Variants in ZC3H12B observed in about 807,000 individuals in gnomAD.
ZC3H12B encodes zinc finger CCCH-type containing 12B, also known as probable ribonuclease ZC3H12B.
A neutral mutation model predicts 43.9 loss-of-function variants in ZC3H12B; 7 were observed. The ratio of observed to expected loss-of-function variants is 0.16; its 90% confidence interval spans 0.09 to 0.30. ZC3H12B has a LOEUF of 0.30. Ranked by LOEUF, ZC3H12B falls within the 10% of genes least tolerant of loss-of-function variation. The pLI, the probability that ZC3H12B is intolerant of heterozygous loss-of-function variation, is 1.00. For synonymous variants in ZC3H12B, 222 were observed against 241.7 expected (o/e 0.92, Z 0.76); for missense variants, 475 against 670.2 (o/e 0.71, Z 3.22).
chrX:65,220,414 G>A, the ZC3H12B span, among the ~76,000 whole-genome samples: 43 of 111,810 alleles, frequency 3.8e-4, no homozygotes, highest in Middle Eastern at 4.6e-3. Context: ...CAGAATGGCC[G>A]AATGGATAAG....
At chrX:65,250,247 C>T in the ZC3H12B span, among the ~76,000 whole-genome samples, 1 of 111,344 alleles carries the variant, frequency 9.0e-6, no homozygotes, top group African/African-American at 3.3e-5. Context: ...TCATCCATGT[C>T]CCTACAAAGG....
the ZC3H12B span, among the ~76,000 whole-genome samples, chrX:65,351,219 G>A: frequency 9.0e-6 from 1 of 111,498 alleles, no homozygotes; most frequent in African/African-American, 3.3e-5. Context: ...CAAGCAATAG[G>A]GAAATCTTTC....
At chrX:65,472,334 A>C (rs892450686) in intron 3 of ZC3H12B, among the ~76,000 whole-genome samples, 1 of 110,187 alleles carries the variant, frequency 9.1e-6, no homozygotes, top group Non-Finnish European at 1.9e-5. Flanking sequence ...CCTTTTCTTT[A>C]GGTTGCCTTT....
chrX:65,037,215 T>C, the ZC3H12B span, among the ~76,000 whole-genome samples: 2 of 111,204 alleles, frequency 1.8e-5, no homozygotes, highest in African/African-American at 3.3e-5. Flanking sequence ...CAGAGTCATA[T>C]TGAATAAGGA....
chrX:65,039,145 C>T, the ZC3H12B span, among the ~76,000 whole-genome samples: 1 of 111,409 alleles, frequency 9.0e-6, no homozygotes, highest in Admixed American at 9.5e-5. Flanking sequence ...AAGTTGTAAA[C>T]TAATATCCAC....
intron 3 of ZC3H12B, among the ~76,000 whole-genome samples, chrX:65,463,064 A>G (rs1316966029): frequency 8.9e-6 from 1 of 112,179 alleles, no homozygotes; most frequent in African/African-American, 3.2e-5. Context: ...GGAGCTAAAC[A>G]TTGAGTACTC....
chrX:65,192,923 G>T, the ZC3H12B span, among the ~76,000 whole-genome samples: 25 of 110,236 alleles, frequency 2.3e-4, no homozygotes, highest in Non-Finnish European at 3.8e-4. Flanking sequence ...ACAGGTGCGT[G>T]CCACCACCCC....
intron 2 of ZC3H12B, among the ~76,000 whole-genome samples, chrX:65,391,046 G>A (rs1357294390): frequency 9.0e-6 from 1 of 111,721 alleles, no homozygotes; most frequent in Non-Finnish European, 1.9e-5. Flanking sequence ...CAAGAACACA[G>A]TAAACACAAG....
At chrX:65,054,357 A>C in the ZC3H12B span, among the ~76,000 whole-genome samples, 1,124 of 111,557 alleles carry the variant, frequency 0.01, 24 homozygotes, top group African/African-American at 0.035. Context: ...ACCATTTATT[A>C]AATAGGGAAT....
the ZC3H12B span, among the ~76,000 whole-genome samples, chrX:65,181,312 C>T: frequency 9.0e-6 from 1 of 111,443 alleles, no homozygotes; most frequent in Non-Finnish European, 1.9e-5. Context: ...TAGAAGAAAA[C>T]CTAGGCAATA....
At chrX:65,147,803 TG>T in the ZC3H12B span, among the ~76,000 whole-genome samples, 12 of 110,190 alleles carry the variant, frequency 1.1e-4, no homozygotes, top group African/African-American at 3.6e-4. Flanking sequence ...TGCGTGGTGC[TG>T]GGGAAAGCAT....
At chrX:65,110,962 C>T in the ZC3H12B span, among the ~76,000 whole-genome samples, 1 of 111,128 alleles carries the variant, frequency 9.0e-6, no homozygotes, top group Non-Finnish European at 1.9e-5. Context: ...TATATTTATA[C>T]CTAAGTATTT....
the ZC3H12B span, among the ~76,000 whole-genome samples, chrX:65,316,133 G>A: frequency 9.0e-6 from 1 of 111,522 alleles, no homozygotes; most frequent in East Asian, 2.8e-4. Flanking sequence ...AAAAGGAAAA[G>A]CAATAAAGAA....
chrX:65,160,726 A>G, the ZC3H12B span, among the ~76,000 whole-genome samples: 2 of 111,311 alleles, frequency 1.8e-5, no homozygotes, highest in East Asian at 2.8e-4. Context: ...TGGATTAATT[A>G]ATTTTTTGAA....
intron 2 of ZC3H12B, among the ~76,000 whole-genome samples, chrX:65,388,492 C>T (rs1213003219): frequency 8.9e-6 from 1 of 112,221 alleles, no homozygotes; most frequent in Admixed American, 9.5e-5. Context: ...TCAGCTCCAT[C>T]ATGTCCTTTA....
the ZC3H12B span, among the ~76,000 whole-genome samples, chrX:65,287,883 A>T: frequency 9.2e-6 from 1 of 109,157 alleles, no homozygotes; most frequent in South Asian, 3.9e-4. Flanking sequence ...GATAAACAAA[A>T]TTGACAATCC....
the ZC3H12B span, among the ~76,000 whole-genome samples, chrX:65,189,330 T>A: frequency 3.6e-5 from 3 of 82,342 alleles, no homozygotes; most frequent in African/African-American, 1.7e-4. Context: ...AATGGCTGGG[T>A]CAAATGGTAT....
At chrX:65,439,426 C>T (rs887929338) in intron 3 of ZC3H12B, among the ~76,000 whole-genome samples, 6 of 111,635 alleles carry the variant, frequency 5.4e-5, no homozygotes, top group African/African-American at 1.6e-4. Flanking sequence ...CCTTATGGGA[C>T]CAATTAATAA....
the ZC3H12B span, among the ~76,000 whole-genome samples, chrX:65,283,822 T>A: frequency 9.8e-5 from 11 of 111,887 alleles, no homozygotes; most frequent in Admixed American, 9.5e-4. Flanking sequence ...CTGTTGCTAC[T>A]AGGATGGGGA....
Sources: allele counts gnomAD v4.1 joint callset (sites outside exome capture counted in the v4.1 genomes callset), GRCh38; gene constraint gnomAD v4.1.1; transcripts MANE v1.5; gene names NCBI Gene and HGNC (gene_info 2026-07-23, HGNC 2026-07-21).